The following NEDD4 variants were observed in gnomAD, a reference collection of about 807,000 sequenced individuals.
NEDD4 encodes the protein NEDD4 E3 ubiquitin protein ligase.
NEDD4 carries 99 observed loss-of-function variants against 144.9 expected under a neutral mutation model. The ratio of observed to expected loss-of-function variants is 0.68; its 90% CI spans 0.58 to 0.81. The LOEUF (loss-of-function observed/expected upper bound fraction) is 0.81, where lower values mean the gene tolerates loss of function less well. Among genes scored for constraint, NEDD4 ranks in the 30% least tolerant of loss-of-function variants. NEDD4 has a pLI of 0.00. For missense variants in NEDD4, 985 were observed against 1,065.9 expected, an observed-to-expected ratio of 0.92 and a Z score of 1.06; for synonymous variants, 318 against 350.6, an observed-to-expected ratio of 0.91 and a Z score of 1.04.
At chr15:55,940,518 T>TTCTC (rs60338644) in intron 4 of NEDD4, among the ~76,000 whole-genome samples, 3,694 of 106,268 alleles carry the variant, frequency 0.035, 228 homozygotes, top group African/African-American at 0.099. Flanking sequence ...CTCCTCCCCC[T>TTCTC]TCTCTCTCTC....
At chr15:55,867,601 G>C (rs755889932) in intron 8 of NEDD4, among the ~76,000 whole-genome samples, 1 of 151,936 alleles carries the variant, frequency 6.6e-6, no homozygotes, top group African/African-American at 2.4e-5. Flanking sequence ...ACACCAAAAA[G>C]CCAGGTAGAG....
At chr15:55,909,646 A>G (rs893685121) in intron 5 of NEDD4, among the ~76,000 whole-genome samples, 13 of 152,070 alleles carry the variant, frequency 8.5e-5, no homozygotes, top group African/African-American at 3.1e-4. Flanking sequence ...TCAGCCTACA[A>G]AGCCTCTTGT....
At chr15:55,913,324 T>A (rs2036334190) in intron 5 of NEDD4, among the ~76,000 whole-genome samples, 1 of 152,078 alleles carries the variant, frequency 6.6e-6, no homozygotes, top group Non-Finnish European at 1.5e-5. Flanking sequence ...ATAATTAGAT[T>A]AATATATAAT....
At chr15:55,904,736 A>G (rs535544509) in intron 5 of NEDD4, among the ~76,000 whole-genome samples, 1 of 152,294 alleles carries the variant, frequency 6.6e-6, no homozygotes, top group African/African-American at 2.4e-5. Context: ...TCTACTTGAG[A>G]GTGTTTACTT....
chr15:55,907,046 G>A (rs1566944562), intron 5 of NEDD4, among the ~76,000 whole-genome samples: 1 of 152,010 alleles, frequency 6.6e-6, no homozygotes, highest in Non-Finnish European at 1.5e-5. Context: ...AGTGAGCCAA[G>A]ATCACGGCAC....
Position 55,903,824 on chromosome 15 carries a change from C to CAAAA in NEDD4, c.291+20818_291+20821dup, listed in dbSNP as rs1198758409. 8.2e-5 allele frequency among the ~76,000 whole-genome samples: 6 copies of CAAAA among 73,554 alleles called. No homozygotes were observed. In the South Asian group the frequency reaches 2.0e-3, roughly 24 times the overall value. The allele number at this position is 73,554 out of a possible 152,430, so 48.3% of individuals were successfully genotyped here. ...TGGGTGACAGAGTGAGACTCCATCTCAAAAAAAAAAAAAAAACACACATAT... is the reference window on the plus strand; with the variant it reads ...TGGGTGACAGAGTGAGACTCCATCTCAAAAAAAAAAAAAAAAAAAACACACATAT... On this transcript the variant is annotated intron_variant, in intron 5 of 28. Transcript: ENST00000435532.
intron 2 of NEDD4, among the ~76,000 whole-genome samples, chr15:55,954,892 A>AG (rs2037310077): frequency 6.6e-6 from 1 of 151,866 alleles, no homozygotes; most frequent in African/African-American, 2.4e-5. Context: ...TCATATATAT[A>AG]GGGGGTTAAT....
chr15:55,876,566 T>C (rs1469997516), intron 5 of NEDD4, among the ~76,000 whole-genome samples: 1 of 152,120 alleles, frequency 6.6e-6, no homozygotes, highest in African/African-American at 2.4e-5. Context: ...TAATCATTAA[T>C]TGACTGCAGA....
intron 1 of NEDD4, among the ~76,000 whole-genome samples, chr15:55,989,972 G>A (rs754778510): frequency 8.8e-4 from 134 of 152,114 alleles, no homozygotes; most frequent in South Asian, 4.2e-4. Flanking sequence ...ATTCTCATAA[G>A]AGCATGAACC....
intron 4 of NEDD4, among the ~76,000 whole-genome samples, chr15:55,938,936 C>CA (rs1262606795): frequency 6.6e-6 from 1 of 151,854 alleles, no homozygotes; most frequent in African/African-American, 2.4e-5. Context: ...TGTGTCACTA[C>CA]AAAAAATAAA....
intron 5 of NEDD4, among the ~76,000 whole-genome samples, chr15:55,905,782 CAGATAAGT>C (rs536431683): frequency 1.8e-4 from 28 of 152,056 alleles, no homozygotes; most frequent in African/African-American, 6.8e-4. Flanking sequence ...AGCTCTTTGT[CAGATAAGT>C]AGATTGCAAA....
chr15:55,981,466 T>C (rs182473154), intron 1 of NEDD4, among the ~76,000 whole-genome samples: 71 of 152,280 alleles, frequency 4.7e-4, no homozygotes, highest in Non-Finnish European at 8.8e-4. Flanking sequence ...TTTCTTCCTC[T>C]GGTATGTAAA....
At chr15:55,924,251 A>C (rs995150258) in intron 5 of NEDD4, 1 of 167,464 alleles carries the variant, frequency 6.0e-6, no homozygotes, top group African/African-American at 2.4e-5. Flanking sequence ...GGATACAGGT[A>C]ACCCTAAGAA....
At chr15:55,892,903 T>C (rs1160974547) in intron 5 of NEDD4, among the ~76,000 whole-genome samples, 1 of 152,214 alleles carries the variant, frequency 6.6e-6, no homozygotes, top group Non-Finnish European at 1.5e-5. Context: ...GACAGACAAT[T>C]AGATTGTCAA....
At position 55,827,244 on chromosome 15, in the gene NEDD4, T is replaced by G. The variant is rs180775514; in HGVS notation, c.*2653A>C. The G allele has an allele frequency of 2.0e-5, 3 of 152,368 alleles. No individual in the cohort carries two copies. The highest frequency in any genetic ancestry group is 6.5e-5 in the Admixed American group (1 of 15,288). The allele number at this position is 152,368 out of a possible 1,614,324, so 9.4% of individuals were successfully genotyped here. A position where few individuals can be genotyped will look rare whatever the true frequency, so the allele number is the denominator to read the frequency against. On this transcript the variant is annotated 3_prime_UTR_variant, in exon 29 of 29. Coordinates refer to ENST00000435532, the MANE Select transcript of NEDD4 (RefSeq NM_006154.4). ...ATTGTAGGCTAAAGTTATATGCTTG[T>G]AATTTCTAGAAACATATGATGTCCT...
intron 5 of NEDD4, among the ~76,000 whole-genome samples, chr15:55,887,494 A>C (rs917673180): frequency 3.9e-5 from 6 of 152,192 alleles, no homozygotes; most frequent in Non-Finnish European, 5.9e-5. Flanking sequence ...AGCTGTAATA[A>C]AATGTCTATC....
At chr15:55,852,743 TGA>T (rs150677409) in intron 12 of NEDD4, among the ~76,000 whole-genome samples, 200 bp from the exon 13 acceptor site, 76 of 139,084 alleles carry the variant, frequency 5.5e-4, no homozygotes, top group Non-Finnish European at 4.5e-4. Context: ...TCTGAGAGAG[TGA>T]GAGAGAGAGA....
rs952118569 is a variant in NEDD4, at chr15:55,886,887, G to A, written c.292-12879C>T. ...CATCGAAATTAAATAGTATGCTCCT[G>A]AATGAATGAACAGTGGGTTAATGAA... On this transcript the variant is annotated intron_variant, in intron 5 of 28. Coordinates refer to ENST00000435532, the MANE Select transcript of NEDD4 (RefSeq NM_006154.4). Among the ~76,000 whole-genome samples the A allele has an allele frequency of 2.4e-4, 36 of 152,192 alleles. 1 individual carries two copies. Among genetic ancestry groups the A allele is most frequent in the Admixed American group, 2.1e-3 (32 of 15,294 alleles).
At chr15:55,965,514 C>T (rs1470601866) in intron 2 of NEDD4, among the ~76,000 whole-genome samples, 2 of 152,152 alleles carry the variant, frequency 1.3e-5, no homozygotes, top group African/African-American at 4.8e-5. Context: ...CTTTTGTCTT[C>T]AGATGAGTTG....
Sources: allele counts gnomAD v4.1 joint callset (sites outside exome capture counted in the v4.1 genomes callset), GRCh38; gene constraint gnomAD v4.1.1; transcripts MANE v1.5; gene names NCBI Gene and HGNC (gene_info 2026-07-23, HGNC 2026-07-21).